The following TMEM45A variants were observed in gnomAD, a reference collection of about 807,000 sequenced individuals.
TMEM45A encodes the protein DNA polymerase-transactivated protein 4.
TMEM45A carries 25 observed loss-of-function variants against 32.0 expected under a neutral mutation model. That is an observed-to-expected ratio of 0.78 (90% CI 0.57 to 1.09). The LOEUF is 1.09. Among genes scored for constraint, TMEM45A ranks in the 50% least tolerant of loss-of-function variants. The pLI is 0.00. For missense variants in TMEM45A, 302 were observed against 325.0 expected, an observed-to-expected ratio of 0.93 and a Z score of 0.54; for synonymous variants, 122 against 114.8, an observed-to-expected ratio of 1.06 and a Z score of -0.40.
intron 1 of TMEM45A, among the ~76,000 whole-genome samples, chr3:100,552,811 C>A (rs1023939474): frequency 6.6e-6 from 1 of 152,044 alleles, no homozygotes; most frequent in African/African-American, 2.4e-5. Context: ...CAGTGGATAG[C>A]CAGTGGGGAA....
intron 1 of TMEM45A, among the ~76,000 whole-genome samples, chr3:100,522,139 C>T (rs1705447913): frequency 6.6e-6 from 1 of 152,128 alleles, no homozygotes; most frequent in South Asian, 2.1e-4. Context: ...ATAACAATCC[C>T]TTCCCCACCC....
intron 4 of TMEM45A, among the ~76,000 whole-genome samples, chr3:100,565,028 A>G (rs1706402044): frequency 6.6e-6 from 1 of 152,222 alleles, no homozygotes; most frequent in Admixed American, 6.5e-5. Flanking sequence ...GTATGGTGAA[A>G]AGAGTATGGG....
intron 4 of TMEM45A, among the ~76,000 whole-genome samples, chr3:100,567,629 T>C (rs1268471781): frequency 6.6e-6 from 1 of 151,988 alleles, no homozygotes; most frequent in Non-Finnish European, 1.5e-5. Flanking sequence ...GCTTCCAGTC[T>C]ATGACTATGA....
chr3:100,558,628 G>T, intron 4 of TMEM45A, 39 bp downstream of exon 4: 1 of 1,592,272 alleles, frequency 6.3e-7, no homozygotes. Flanking sequence ...TGGACTCTTT[G>T]CCTGTAACTT....
chr3:100,564,604 C>T (rs930329321), intron 4 of TMEM45A, among the ~76,000 whole-genome samples: 1 of 152,068 alleles, frequency 6.6e-6, no homozygotes, highest in Non-Finnish European at 1.5e-5. Context: ...CTGCCTCAGT[C>T]TCCCAAGAGC....
At chr3:100,535,239 G>C (rs1705721154) in intron 1 of TMEM45A, among the ~76,000 whole-genome samples, 1 of 151,922 alleles carries the variant, frequency 6.6e-6, no homozygotes, top group Admixed American at 6.6e-5. Context: ...TCCTGCCTCA[G>C]CCTTCCGAGT....
At position 100,492,755 on chromosome 3, in the gene TMEM45A, T is replaced by TTC. The variant is rs1707864096; in HGVS notation, c.-177_-176insTC. On this transcript the variant is annotated 5_prime_UTR_variant, in exon 1 of 6. Coordinates refer to ENST00000323523, the MANE Select transcript of TMEM45A (RefSeq NM_018004.3). ...CGACTAGGGACCCAAGTTTAAAAATTCCTCCCCCCACCCAATGCGAGACGT... is the reference window on the plus strand; with the variant it reads ...CGACTAGGGACCCAAGTTTAAAAATTTCCCTCCCCCCACCCAATGCGAGACGT... 3.5e-5 allele frequency: 5 copies of TTC among 143,516 alleles called. No individual in the cohort carries two copies. Among genetic ancestry groups the TTC allele is most frequent in the Admixed American group, 6.8e-5 (1 of 14,748 alleles). The allele number at this position is 143,516 out of a possible 1,614,324, so 8.9% of individuals were successfully genotyped here. A position where few individuals can be genotyped will look rare whatever the true frequency, so the allele number is the denominator to read the frequency against.
chr3:100,539,450 T>TATGCATATGCATATGCATATGCATATGC (rs60074458), intron 1 of TMEM45A, among the ~76,000 whole-genome samples: 12 of 115,010 alleles, frequency 1.0e-4, no homozygotes, highest in Admixed American at 1.9e-4. Context: ...TATGTATATG[T>TATGCATATGCATATGCATATGCATATGC]ATATGTATAT....
intron 1 of TMEM45A, among the ~76,000 whole-genome samples, chr3:100,517,229 G>T (rs1205641387): frequency 6.6e-6 from 1 of 152,106 alleles, no homozygotes; most frequent in Non-Finnish European, 1.5e-5. Flanking sequence ...CGATTCTCCT[G>T]CCTTAGCCTC....
At chr3:100,537,165 C>T (rs1211423267) in intron 1 of TMEM45A, among the ~76,000 whole-genome samples, 2 of 152,076 alleles carry the variant, frequency 1.3e-5, no homozygotes, top group East Asian at 1.9e-4. Context: ...TCCGGTGATC[C>T]GTCCAGCTTG....
At chr3:100,510,956 A>G (rs1211099291) in intron 1 of TMEM45A, among the ~76,000 whole-genome samples, 1 of 152,148 alleles carries the variant, frequency 6.6e-6, no homozygotes, top group Non-Finnish European at 1.5e-5. Flanking sequence ...AAAGCCTCCA[A>G]GAAATATGGG....
At chr3:100,497,532 T>G (rs58520282) in intron 1 of TMEM45A, among the ~76,000 whole-genome samples, 12,123 of 152,254 alleles carry the variant, frequency 0.08, 1,611 homozygotes, top group African/African-American at 0.27. Flanking sequence ...AAACTGAAAC[T>G]TAATACTCAT....
At chr3:100,545,564 T>C (rs1705965671) in intron 1 of TMEM45A, among the ~76,000 whole-genome samples, 1 of 152,226 alleles carries the variant, frequency 6.6e-6, no homozygotes, top group South Asian at 2.1e-4. Flanking sequence ...CTTTTTGTTC[T>C]ACCTTTCGAA....
chr3:100,570,072 T>C (rs1463760462), intron 5 of TMEM45A, among the ~76,000 whole-genome samples: 1 of 152,210 alleles, frequency 6.6e-6, no homozygotes, highest in Non-Finnish European at 1.5e-5. Flanking sequence ...CTGATTGAAA[T>C]GTTCTGTATC....
rs140870480 is a variant in TMEM45A, at chr3:100,509,493, T to C, written c.-4+16565T>C. ...GGGGATACCTGTACTCCCATGTTTATTGCAGCACTATTCACAATAGCCAAG... is the reference window on the plus strand; with the variant it reads ...GGGGATACCTGTACTCCCATGTTTACTGCAGCACTATTCACAATAGCCAAG... On this transcript the variant is annotated intron_variant, in intron 1 of 5. Transcript: ENST00000323523. Among the ~76,000 whole-genome samples, 1,493 of 152,318 alleles carry C rather than the reference T, an allele frequency of 9.8e-3. 22 individuals are homozygous for C. Among genetic ancestry groups the C allele is most frequent in the African/African-American group, 0.035 (1,444 of 41,564 alleles).
intron 1 of TMEM45A, among the ~76,000 whole-genome samples, chr3:100,514,685 A>C (rs531458474): frequency 6.6e-6 from 1 of 152,342 alleles, no homozygotes; most frequent in East Asian, 1.9e-4. Flanking sequence ...CAGAGTGAAC[A>C]GGCAACCTAC....
chr3:100,494,539 T>C (rs1707894656), intron 1 of TMEM45A, among the ~76,000 whole-genome samples: 1 of 152,064 alleles, frequency 6.6e-6, no homozygotes, highest in African/African-American at 2.4e-5. Flanking sequence ...AGAGAAACTC[T>C]TGAACCCAAG....
intron 1 of TMEM45A, among the ~76,000 whole-genome samples, chr3:100,525,163 G>A (rs947791142): frequency 1.3e-5 from 2 of 151,918 alleles, no homozygotes; most frequent in Non-Finnish European, 2.9e-5. Context: ...ACTCCAACCT[G>A]GGCAACAAAG....
intron 1 of TMEM45A, among the ~76,000 whole-genome samples, chr3:100,501,693 C>T (rs1487368538): frequency 6.6e-6 from 1 of 152,164 alleles, no homozygotes; most frequent in Non-Finnish European, 1.5e-5. Context: ...TTGTAGAGCT[C>T]CTATTAACTT....
Sources: allele counts gnomAD v4.1 joint callset (sites outside exome capture counted in the v4.1 genomes callset), GRCh38; gene constraint gnomAD v4.1.1; transcripts MANE v1.5; gene names NCBI Gene and HGNC (gene_info 2026-07-23, HGNC 2026-07-21).